ARHGAP6: variants seen among roughly 807,000 people sequenced by gnomAD.
ARHGAP6 encodes the protein Rho GTPase activating protein 6.
Under a neutral mutation model 55.7 loss-of-function variants are expected in ARHGAP6, and 16 were observed. The ratio of observed to expected loss-of-function variants is 0.29; its 90% CI spans 0.19 to 0.44. ARHGAP6 has a LOEUF of 0.44. Among genes scored for constraint, ARHGAP6 ranks in the 20% least tolerant of loss-of-function variants. The pLI, the probability that ARHGAP6 is intolerant of heterozygous loss-of-function variation, is 1.00. For missense variants in ARHGAP6, 698 were observed against 808.9 expected, an observed-to-expected ratio of 0.86 and a Z score of 1.66; for synonymous variants, 382 against 360.9, an observed-to-expected ratio of 1.06 and a Z score of -0.66.
rs191011339 is a variant in ARHGAP6 at position 11,587,459 on chromosome X, C to A, written c.588+76782G>T. On this transcript the variant is annotated intron_variant, in intron 1 of 12. Transcript: ENST00000337414. Reference sequence around the variant, plus strand: ...GGGAGATCATCACAGGCATAGAGAGCAATCTGAAAGAAGACCCTAAGTCAA... The same window carrying A: ...GGGAGATCATCACAGGCATAGAGAGAAATCTGAAAGAAGACCCTAAGTCAA... Among the ~76,000 whole-genome samples the A allele has an allele frequency of 2.3e-4, 26 of 111,786 alleles. No homozygotes were observed. In the East Asian group the frequency reaches 4.8e-3, roughly 21 times the overall value.
intron 1 of ARHGAP6, among the ~76,000 whole-genome samples, chrX:11,343,472 T>C (rs1433109483): frequency 3.6e-5 from 4 of 112,552 alleles, no homozygotes; most frequent in East Asian, 2.8e-4. Context: ...TATGATAAAA[T>C]GATTTTTAAC....
At chrX:11,372,881 TTTGGAAATTCA>T (rs964270224) in intron 1 of ARHGAP6, among the ~76,000 whole-genome samples, 3 of 108,723 alleles carry the variant, frequency 2.8e-5, no homozygotes, top group African/African-American at 1.0e-4. Context: ...AAGGAAAGAC[TTTGGAAATTCA>T]AAAGCCAACC....
rs10576783 is a variant in ARHGAP6, at chrX:11,179,765, C to CATAT, written c.1330-317_1330-314dup. ...ATATACATATATATGTATATGTATA[C>CATAT]ATATATATATATATATATAAGCATT... On this transcript the variant is annotated intron_variant, in intron 6 of 12. Transcript: ENST00000337414. Among the ~76,000 whole-genome samples the CATAT allele has an allele frequency of 3.0e-3, 288 of 97,484 alleles. 1 individual carries two copies. The highest frequency in any genetic ancestry group is 0.022 in the South Asian group (47 of 2,169). 84.7% of individuals were successfully genotyped at this position (97,484 alleles called of 115,157 possible).
intron 2 of ARHGAP6, among the ~76,000 whole-genome samples, chrX:11,208,931 A>C (rs1452901988): frequency 1.8e-5 from 2 of 112,008 alleles, no homozygotes; most frequent in Non-Finnish European, 3.8e-5. Flanking sequence ...AGAAATTAAT[A>C]ATGTAGCTTA....
At chrX:11,251,848 T>C (rs925945969) in intron 2 of ARHGAP6, among the ~76,000 whole-genome samples, 1 of 111,774 alleles carries the variant, frequency 8.9e-6, no homozygotes, top group Non-Finnish European at 1.9e-5. Flanking sequence ...CAGTAAATAT[T>C]TGATGTCTAT....
intron 1 of ARHGAP6, among the ~76,000 whole-genome samples, chrX:11,623,540 T>C (rs1038732604): frequency 4.7e-5 from 5 of 105,354 alleles, no homozygotes; most frequent in Non-Finnish European, 7.8e-5. Flanking sequence ...AAAAAAAAAA[T>C]ACAAATATTA....
chrX:11,265,118 G>T (rs1179366450), intron 1 of ARHGAP6, among the ~76,000 whole-genome samples: 1 of 112,487 alleles, frequency 8.9e-6, no homozygotes, highest in African/African-American at 3.2e-5. Context: ...GGACATCAGG[G>T]TCATGTTCCC....
intron 1 of ARHGAP6, among the ~76,000 whole-genome samples, chrX:11,421,915 G>C (rs1417477297): frequency 9.0e-6 from 1 of 111,714 alleles, no homozygotes; most frequent in Non-Finnish European, 1.9e-5. Context: ...AACTAATAAA[G>C]GGTTAAGTTT....
intron 1 of ARHGAP6, among the ~76,000 whole-genome samples, chrX:11,501,941 G>A (rs995301140): frequency 9.0e-5 from 10 of 111,483 alleles, no homozygotes; most frequent in African/African-American, 3.3e-4. Context: ...AACTTGTGTT[G>A]TTGAAAGATC....
Position 11,156,619 on chromosome X carries a change from G to C in ARHGAP6, c.1817C>G (p.Pro606Arg), listed in dbSNP as rs1768873011. ...GATCAGCACTTCGTTCTGGAGATCT[G>C]GGGGAACCTGAAGGAGCCAAATGTT... ...ENYEALFMVP[P>R]DLQNEVLISL... is the part of the protein sequence containing the mutation. Residue 606 changes from proline (P) to arginine (R), a missense_variant, in exon 10 of 13, where the codon CCA becomes CGA. By Grantham distance (103) the Pro-to-Arg change is moderately radical. Transcript: ENST00000337414. The C allele has an allele frequency of 8.3e-7, 1 of 1,207,126 alleles. No individual in the cohort carries two copies. Among genetic ancestry groups the C allele is most frequent in the East Asian group, 3.0e-5 (1 of 33,781 alleles).
intron 1 of ARHGAP6, among the ~76,000 whole-genome samples, chrX:11,495,717 G>A (rs751373119): frequency 6.3e-5 from 7 of 111,966 alleles, no homozygotes; most frequent in Admixed American, 1.9e-4. Flanking sequence ...CCCTTTGAGC[G>A]TGAGCTGGTC....
intron 1 of ARHGAP6, among the ~76,000 whole-genome samples, chrX:11,634,707 G>A (rs1335798985): frequency 3.6e-5 from 4 of 112,137 alleles, no homozygotes; most frequent in Non-Finnish European, 7.5e-5. Context: ...ATAAGAAAAT[G>A]TTAAGTAAAA....
At chrX:11,424,555 A>G (rs927373579) in intron 1 of ARHGAP6, among the ~76,000 whole-genome samples, 4 of 111,732 alleles carry the variant, frequency 3.6e-5, no homozygotes, top group Non-Finnish European at 7.5e-5. Context: ...GCATCTCTCC[A>G]ATATGCCAAC....
rs760650905 is a variant in ARHGAP6, at chrX:11,191,398, GC to G, written c.821-2415del. ...CCACAGACAGTAAGTAAATGAATAGGCATGGCTGTGTTCTAGTAAAGCTTTA... is the reference window on the plus strand; with the variant it reads ...CCACAGACAGTAAGTAAATGAATAGGATGGCTGTGTTCTAGTAAAGCTTTA... On this transcript the variant is annotated intron_variant, in intron 3 of 12. Transcript: ENST00000337414. Among the ~76,000 whole-genome samples the G allele has an allele frequency of 1.4e-4, 16 of 111,878 alleles. No individual in the cohort carries two copies. The East Asian group carries it at 4.5e-3, about 32-fold the overall frequency.
intron 1 of ARHGAP6, among the ~76,000 whole-genome samples, chrX:11,450,819 T>C (rs1306104931): frequency 1.8e-5 from 2 of 111,584 alleles, no homozygotes; most frequent in African/African-American, 3.3e-5. Context: ...GTCCACTAAA[T>C]GTCATTTGCA....
chrX:11,617,366 A>T (rs2052177996), intron 1 of ARHGAP6, among the ~76,000 whole-genome samples: 1 of 112,057 alleles, frequency 8.9e-6, no homozygotes, highest in South Asian at 3.7e-4. Flanking sequence ...TATAGAAAAT[A>T]CATAGTTTAA....
At chrX:11,446,541 C>G (rs754496584) in intron 1 of ARHGAP6, among the ~76,000 whole-genome samples, 1 of 111,383 alleles carries the variant, frequency 9.0e-6, no homozygotes, top group East Asian at 2.8e-4. Context: ...ATGAGAAATT[C>G]TCTTGTAGCC....
intron 1 of ARHGAP6, among the ~76,000 whole-genome samples, chrX:11,459,009 T>C (rs1403330744): frequency 9.1e-6 from 1 of 110,188 alleles, no homozygotes; most frequent in African/African-American, 3.3e-5. Context: ...AGTTTGAGAT[T>C]AGAGAAAATA....
intron 1 of ARHGAP6, chrX:11,298,834 C>A: frequency 1.7e-6 from 2 of 1,211,174 alleles, no homozygotes; most frequent in Non-Finnish European, 2.2e-6. Flanking sequence ...CAGCCCCAGC[C>A]ACCTGTGCAC....
Sources: gnomAD v4.1 joint callset for allele counts (sites outside exome capture counted in the v4.1 genomes callset) on GRCh38, gnomAD v4.1.1 for gene constraint, MANE v1.5 for transcripts, NCBI Gene and HGNC (gene_info 2026-07-23, HGNC 2026-07-21) for gene names.